LPAR5: variants seen among roughly 807,000 people sequenced by gnomAD.
LPAR5 encodes the protein lysophosphatidic acid receptor 5, also known as G protein-coupled receptor 92.
For synonymous variants in LPAR5, 271 were observed against 261.6 expected, an observed-to-expected ratio of 1.04 and a Z score of -0.35; for missense variants, 544 against 521.8, an observed-to-expected ratio of 1.04 and a Z score of -0.41.
At chr12:6,634,066 T>C (rs1391980458) in intron 1 of LPAR5, among the ~76,000 whole-genome samples, 1 of 151,960 alleles carries the variant, frequency 6.6e-6, no homozygotes, top group Non-Finnish European at 1.5e-5. Flanking sequence ...AGTGCAGTGG[T>C]GTGATCTCAG....
chr12:6,632,713 T>C (rs1397494348), intron 1 of LPAR5, among the ~76,000 whole-genome samples: 1 of 152,220 alleles, frequency 6.6e-6, no homozygotes, highest in Non-Finnish European at 1.5e-5. Context: ...AATCCTTTTC[T>C]TCCGCTTATC....
chr12:6,629,237 G>A (rs1490503357), intron 1 of LPAR5, among the ~76,000 whole-genome samples: 1 of 151,108 alleles, frequency 6.6e-6, no homozygotes, highest in African/African-American at 2.4e-5. Context: ...TTAGCCAGGG[G>A]TGGTGGCACA....
Position 6,619,950 on chromosome 12 carries a change from C to T in LPAR5, c.*180G>A. 1.2e-6 allele frequency: 1 copy of T among 867,978 alleles called. No homozygotes were observed. The highest frequency in any genetic ancestry group is 1.9e-6 in the Non-Finnish European group (1 of 528,740). The allele number at this position is 867,978 out of a possible 1,614,324, so 53.8% of individuals were successfully genotyped here. A position where few individuals can be genotyped will look rare whatever the true frequency, so the allele number is the denominator to read the frequency against. ...GCTCACAGTTTAAAGAAGCCATTTCCAGCAGCACTGCCTTCCCTGGGCCCT... is the reference window on the plus strand; with the variant it reads ...GCTCACAGTTTAAAGAAGCCATTTCTAGCAGCACTGCCTTCCCTGGGCCCT... On this transcript the variant is annotated 3_prime_UTR_variant, in exon 2 of 2. Transcript: ENST00000329858.
intron 1 of LPAR5, among the ~76,000 whole-genome samples, chr12:6,622,853 T>C (rs1436867303): frequency 6.6e-6 from 1 of 151,802 alleles, no homozygotes; most frequent in Non-Finnish European, 1.5e-5. Context: ...ATCACTTGAC[T>C]CCAGGGAGGT....
chr12:6,620,166 A>C lies in LPAR5; in HGVS notation c.1083T>G (p.Ser361=). The C allele has an allele frequency of 6.2e-7, 1 of 1,613,444 alleles. No homozygotes were observed. Among genetic ancestry groups the C allele is most frequent in the Non-Finnish European group, 8.5e-7 (1 of 1,179,532 alleles). Residue 361 remains serine, a synonymous_variant, in exon 2 of 2, where the codon TCT becomes TCG. Coordinates refer to ENST00000329858, the MANE Select transcript of LPAR5 (RefSeq NM_020400.6). This position sits in a 1 kb window ranked among gnomAD's most constrained non-coding sequence, Gnocchi z 6.8. The stretch of plus-strand genomic sequence containing the variant: ...AATCCTGGGGACACTGTGTGAAGGA[A>C]GACAGAGAGTGGGAGTCGGAGGGTC... ...LLRPSDSHSL[S]SFTQCPQDSA...
intron 1 of LPAR5, among the ~76,000 whole-genome samples, chr12:6,627,418 C>T (rs1378129167): frequency 6.6e-6 from 1 of 152,032 alleles, no homozygotes; most frequent in Non-Finnish European, 1.5e-5. Flanking sequence ...GGTGAAACCT[C>T]GTCTCTACTA....
intron 1 of LPAR5, among the ~76,000 whole-genome samples, 164 bp downstream of exon 1, chr12:6,635,743 T>C (rs575969357): frequency 2.1e-4 from 32 of 152,274 alleles, no homozygotes; most frequent in African/African-American, 7.7e-4. Context: ...TCTGAAAAGA[T>C]CTGTCTATTT....
chr12:6,635,099 AAGAAAGG>A (rs1411686324), intron 1 of LPAR5, among the ~76,000 whole-genome samples: 5 of 149,284 alleles, frequency 3.3e-5, no homozygotes, highest in Non-Finnish European at 6.0e-5. Flanking sequence ...AAAAAAAAAA[AAGAAAGG>A]AAGGAAGGAA....
intron 1 of LPAR5, among the ~76,000 whole-genome samples, chr12:6,632,645 C>G (rs944735358): frequency 2.0e-5 from 3 of 152,200 alleles, no homozygotes; most frequent in Admixed American, 6.5e-5. Context: ...AGAAGCTTAG[C>G]TCAGTCCAAA....
intron 1 of LPAR5, among the ~76,000 whole-genome samples, chr12:6,634,091 C>T (rs563374718): frequency 3.9e-5 from 6 of 152,102 alleles, no homozygotes; most frequent in East Asian, 1.9e-4. Flanking sequence ...CTGCAACCTC[C>T]GCCTCCCGGG....
intron 1 of LPAR5, among the ~76,000 whole-genome samples, chr12:6,627,419 G>T (rs1001588241): frequency 6.6e-6 from 1 of 152,072 alleles, no homozygotes; most frequent in African/African-American, 2.4e-5. Context: ...GTGAAACCTC[G>T]TCTCTACTAA....
In LPAR5 at chr12:6,621,398, G is replaced by A. The variant is rs142475411; in HGVS notation, c.-150C>T. On this transcript the variant is annotated 5_prime_UTR_variant, in exon 2 of 2. Coordinates refer to ENST00000329858, the MANE Select transcript of LPAR5 (RefSeq NM_020400.6). ...GGGAGGTCATGGGAATGTGGGCTAT[G>A]GCTGCAGGGACAGATGGCTGCCAAG... 148 of 724,752 alleles carry A rather than the reference G, an allele frequency of 2.0e-4. No individual in the cohort carries two copies. The African/African-American group carries it at 2.5e-3, about 12-fold the overall frequency. The allele number at this position is 724,752 out of a possible 1,614,324, so 44.9% of individuals were successfully genotyped here.
intron 1 of LPAR5, among the ~76,000 whole-genome samples, chr12:6,629,068 G>T (rs1948964748): frequency 6.8e-6 from 1 of 147,484 alleles, no homozygotes; most frequent in South Asian, 2.3e-4. Flanking sequence ...CTGATCTCAA[G>T]TCTTTCTGTT....
chr12:6,624,305 G>A (rs1244558688), intron 1 of LPAR5, among the ~76,000 whole-genome samples: 1 of 152,068 alleles, frequency 6.6e-6, no homozygotes, highest in African/African-American at 2.4e-5. Context: ...GTGAGAGTCC[G>A]TCTCAAAAAC....
At chr12:6,624,918 C>A (rs887874310) in intron 1 of LPAR5, among the ~76,000 whole-genome samples, 4 of 152,178 alleles carry the variant, frequency 2.6e-5, no homozygotes, top group Non-Finnish European at 5.9e-5. Flanking sequence ...CCGCACCTGG[C>A]CTGGAATTTC....
chr12:6,626,813 G>A (rs1317889135), intron 1 of LPAR5, among the ~76,000 whole-genome samples: 1 of 152,134 alleles, frequency 6.6e-6, no homozygotes, highest in East Asian at 1.9e-4. Flanking sequence ...GCAACACAAG[G>A]CGGATGTGGT....
intron 1 of LPAR5, among the ~76,000 whole-genome samples, chr12:6,628,714 C>A (rs1198600852): frequency 6.6e-6 from 1 of 151,156 alleles, no homozygotes; most frequent in Admixed American, 6.6e-5. Flanking sequence ...CTCACCGCAA[C>A]CTCTGCCTCC....
chr12:6,628,443 T>A (rs542184483), intron 1 of LPAR5, among the ~76,000 whole-genome samples: 1 of 151,758 alleles, frequency 6.6e-6, no homozygotes, highest in African/African-American at 2.4e-5. Context: ...TCTTTCTTTC[T>A]TTCCTTCCTT....
rs113474457 is a variant in LPAR5 at position 6,624,287 on chromosome 12, G to T, written c.-216-2823C>A. ...TCTAATCCATCGCACTCCGGCCTGGGAGACAGAGTGAGAGTCCGTCTCAAA... is the reference window on the plus strand; with the variant it reads ...TCTAATCCATCGCACTCCGGCCTGGTAGACAGAGTGAGAGTCCGTCTCAAA... On this transcript the variant is annotated intron_variant, in intron 1 of 1. Transcript: ENST00000329858. 1.2e-3 allele frequency among the ~76,000 whole-genome samples: 183 copies of T among 152,226 alleles called. 1 individual carries two copies. Among genetic ancestry groups the T allele is most frequent in the African/African-American group, 3.8e-3 (159 of 41,528 alleles).
Sources: gnomAD v4.1 joint callset for allele counts (sites outside exome capture counted in the v4.1 genomes callset) on GRCh38, gnomAD v4.1.1 for gene constraint, Gnocchi (gnomAD v3.1) non-coding constraint, MANE v1.5 for transcripts, NCBI Gene and HGNC (gene_info 2026-07-23, HGNC 2026-07-21) for gene names.